CAMK4: variants seen among roughly 807,000 people sequenced by gnomAD.
The protein encoded by CAMK4 is calcium/calmodulin-dependent protein kinase type IV.
CAMK4 carries 22 observed loss-of-function variants against 44.9 expected under a neutral mutation model. The observed-to-expected ratio is 0.49, with a 90% CI of 0.35 to 0.70. The LOEUF (loss-of-function observed/expected upper bound fraction) is 0.70. CAMK4 is among the 30% of genes least tolerant of loss of function. The pLI is 0.01. For missense variants in CAMK4, 498 were observed against 586.8 expected, an observed-to-expected ratio of 0.85 and a Z score of 1.56; for synonymous variants, 218 against 215.4, an observed-to-expected ratio of 1.01 and a Z score of -0.11.
chr5:111,453,540 A>G (rs1754306569), intron 7 of CAMK4, among the ~76,000 whole-genome samples: 1 of 152,178 alleles, frequency 6.6e-6, no homozygotes, highest in African/African-American at 2.4e-5. Flanking sequence ...AGCCAAGCTC[A>G]AGACTGGTGA....
Position 111,346,061 on chromosome 5 carries a change from T to C in CAMK4, c.240+1959T>C, listed in dbSNP as rs143382536. On this transcript the variant is annotated intron_variant, in intron 2 of 10. Coordinates refer to ENST00000282356, the MANE Select transcript of CAMK4 (RefSeq NM_001744.6). ...TCCTAGGATAAATCATGCACAGAGA[T>C]GTGTAAACGAGAGAAATAGCAGACA... 2.0e-3 allele frequency among the ~76,000 whole-genome samples: 308 copies of C among 152,056 alleles called. 8 individuals carry two copies. In the East Asian group the frequency reaches 0.043, roughly 21 times the overall value.
intron 1 of CAMK4, among the ~76,000 whole-genome samples, chr5:111,311,772 A>T (rs924257360): frequency 2.6e-5 from 4 of 152,166 alleles, no homozygotes; most frequent in African/African-American, 9.7e-5. Flanking sequence ...CATAAATATT[A>T]TATAAACCAG....
intron 2 of CAMK4, chr5:111,365,317 G>A (rs1192090418): frequency 6.6e-6 from 1 of 152,066 alleles, no homozygotes; most frequent in Non-Finnish European, 1.5e-5. Context: ...TTTGTGATGT[G>A]GTTCAGTTGA....
intron 1 of CAMK4, among the ~76,000 whole-genome samples, chr5:111,292,795 G>A (rs1309557372): frequency 6.6e-6 from 1 of 151,998 alleles, no homozygotes; most frequent in Non-Finnish European, 1.5e-5. Context: ...GCTGGGTGTG[G>A]TGGTGCACAC....
At chr5:111,449,834 A>G (rs981490718) in intron 7 of CAMK4, 1 of 152,254 alleles carries the variant, frequency 6.6e-6, no homozygotes, top group Non-Finnish European at 1.5e-5. Context: ...GTTTTTCTTG[A>G]TGGTCAAATT....
intron 2 of CAMK4, among the ~76,000 whole-genome samples, chr5:111,356,465 T>G (rs564049027): frequency 4.2e-4 from 64 of 152,278 alleles, no homozygotes; most frequent in African/African-American, 1.3e-3. Context: ...CCTGTTCACT[T>G]TGATGGTAGT....
At chr5:111,441,652 G>T (rs1753827576) in intron 5 of CAMK4, among the ~76,000 whole-genome samples, 2 of 151,910 alleles carry the variant, frequency 1.3e-5, no homozygotes, top group Non-Finnish European at 2.9e-5. Context: ...CTGTTTTCTT[G>T]CATGTCTTTG....
chr5:111,457,145 A>G (rs1754444641), intron 7 of CAMK4, among the ~76,000 whole-genome samples: 1 of 152,288 alleles, frequency 6.6e-6, no homozygotes, highest in East Asian at 1.9e-4. Context: ...AGTTTCTGAA[A>G]TTTTTACAAC....
At chr5:111,229,149 T>A (rs1327889009) in intron 1 of CAMK4, among the ~76,000 whole-genome samples, 1 of 152,238 alleles carries the variant, frequency 6.6e-6, no homozygotes, top group African/African-American at 2.4e-5. Flanking sequence ...CTGGTTGATA[T>A]AACAAGATGT....
chr5:111,411,573 G>A (rs1203507645), intron 5 of CAMK4, among the ~76,000 whole-genome samples: 2 of 152,212 alleles, frequency 1.3e-5, no homozygotes, highest in African/African-American at 2.4e-5. Flanking sequence ...AATTGCTGGA[G>A]GCTGGAAACA....
chr5:111,224,231 C>T (rs1580444749), upstream of CAMK4: 1 of 361,866 alleles, frequency 2.8e-6, no homozygotes, highest in African/African-American at 2.2e-5. This position sits in a 1 kb window ranked among gnomAD's most constrained non-coding sequence, Gnocchi z 5.7. Context: ...GGGAGCCTCT[C>T]TCCTCAGCGG....
rs527402952 is a variant in CAMK4 at position 111,406,629 on chromosome 5, TTCTAGACCAGATGACTCTGGGC to T, written c.459+11850_459+11871del. On this transcript the variant is annotated intron_variant, in intron 5 of 10. Coordinates refer to ENST00000282356, the MANE Select transcript of CAMK4 (RefSeq NM_001744.6). Reference sequence around the variant, plus strand: ...AAACTTTTTAAAGACCCACTAAAGCTTCTAGACCAGATGACTCTGGGCTCACTTTGCACACAACATGAATTCT... The same window carrying T: ...AAACTTTTTAAAGACCCACTAAAGCTTCACTTTGCACACAACATGAATTCT... Among the ~76,000 whole-genome samples the T allele has an allele frequency of 3.1e-3, 471 of 152,292 alleles. 2 individuals are homozygous for T. Among genetic ancestry groups the T allele is most frequent in the African/African-American group, 0.011 (450 of 41,560 alleles).
chr5:111,257,689 A>T (rs533398789), intron 1 of CAMK4, among the ~76,000 whole-genome samples: 1 of 152,338 alleles, frequency 6.6e-6, no homozygotes, highest in East Asian at 1.9e-4. Flanking sequence ...AGAAAGATAC[A>T]TGCACACGTA....
At chr5:111,252,839 T>A (rs529605797) in intron 1 of CAMK4, among the ~76,000 whole-genome samples, 1 of 152,280 alleles carries the variant, frequency 6.6e-6, no homozygotes, top group African/African-American at 2.4e-5. Flanking sequence ...TTGGTAGGGG[T>A]GAAAACAGCA....
intron 4 of CAMK4, 23 bp from the exon 5 acceptor site, chr5:111,394,687 C>T: frequency 6.4e-7 from 1 of 1,552,220 alleles, no homozygotes; most frequent in Non-Finnish European, 8.9e-7. Context: ...GCCTGAGAAG[C>T]ATTTCCTTTC....
intron 5 of CAMK4, among the ~76,000 whole-genome samples, chr5:111,396,382 C>G (rs1266999307): frequency 6.6e-6 from 1 of 152,052 alleles, no homozygotes; most frequent in Non-Finnish European, 1.5e-5. Flanking sequence ...TCACTGTACC[C>G]AAATAGCCAC....
At chr5:111,248,902 G>C (rs1318007437) in intron 1 of CAMK4, among the ~76,000 whole-genome samples, 5 of 151,604 alleles carry the variant, frequency 3.3e-5, no homozygotes, top group South Asian at 2.1e-4. Flanking sequence ...TCACCCATAG[G>C]TCCCTGAACT....
chr5:111,273,712 TATATATACACAC>T (rs1239664653), intron 1 of CAMK4, among the ~76,000 whole-genome samples: 2,119 of 54,760 alleles, frequency 0.039, 187 homozygotes, highest in African/African-American at 0.19. Context: ...TATATATATA[TATATATACACAC>T]ACATACATAC....
intron 1 of CAMK4, among the ~76,000 whole-genome samples, chr5:111,285,028 A>C (rs1208200172): frequency 6.6e-6 from 1 of 152,236 alleles, no homozygotes; most frequent in Non-Finnish European, 1.5e-5. Context: ...ATTTTTTAAC[A>C]TTTCATGCAT....
Sources: allele counts gnomAD v4.1 joint callset (sites outside exome capture counted in the v4.1 genomes callset), GRCh38; gene constraint gnomAD v4.1.1; non-coding constraint Gnocchi (gnomAD v3.1); transcripts MANE v1.5; gene names NCBI Gene and HGNC (gene_info 2026-07-23, HGNC 2026-07-21).